The following MYRIP variants were observed in gnomAD, a reference collection of about 807,000 sequenced individuals.
The protein encoded by MYRIP is rab effector MyRIP.
MYRIP carries 49 observed loss-of-function variants against 98.0 expected under a neutral mutation model. The observed-to-expected ratio is 0.50, with a 90% CI of 0.40 to 0.63. MYRIP has a LOEUF of 0.63. Among genes scored for constraint, MYRIP ranks in the 30% least tolerant of loss-of-function variants. The pLI is 0.00. For synonymous variants in MYRIP, 404 were observed against 409.5 expected, an observed-to-expected ratio of 0.99 and a Z score of 0.16; for missense variants, 1,004 against 1,058.2, an observed-to-expected ratio of 0.95 and a Z score of 0.71.
intron 2 of MYRIP, among the ~76,000 whole-genome samples, chr3:39,955,414 A>T (rs1026466656): frequency 6.6e-6 from 1 of 152,186 alleles, no homozygotes; most frequent in Non-Finnish European, 1.5e-5. Context: ...AGAATTTCAT[A>T]TCCAGCCAAA....
chr3:39,901,771 A>G (rs1943748541), intron 2 of MYRIP, among the ~76,000 whole-genome samples: 1 of 152,158 alleles, frequency 6.6e-6, no homozygotes, highest in African/African-American at 2.4e-5. Context: ...TAAATCAATT[A>G]ATTATTAATA....
At chr3:39,866,537 C>G (rs939038609) in intron 1 of MYRIP, among the ~76,000 whole-genome samples, 1 of 151,960 alleles carries the variant, frequency 6.6e-6, no homozygotes, top group Non-Finnish European at 1.5e-5. Flanking sequence ...ATGGTGTGAT[C>G]TCAGCTCACC....
intron 2 of MYRIP, among the ~76,000 whole-genome samples, chr3:39,987,983 A>G (rs1007064138): frequency 9.2e-5 from 14 of 152,232 alleles, no homozygotes; most frequent in African/African-American, 3.1e-4. Flanking sequence ...TGTGGCCATA[A>G]AAGATGATGA....
At chr3:40,245,650 CA>C (rs1230060850) in intron 13 of MYRIP, among the ~76,000 whole-genome samples, 26,687 of 62,792 alleles carry the variant, frequency 0.43, 2,696 homozygotes, top group East Asian at 0.56. Context: ...ACTCCATCTC[CA>C]AAAAAAAAAA....
At chr3:40,054,876 A>G (rs751791387) in intron 3 of MYRIP, among the ~76,000 whole-genome samples, 3 of 152,236 alleles carry the variant, frequency 2.0e-5, no homozygotes, top group Non-Finnish European at 4.4e-5. Flanking sequence ...GATTTTAGCA[A>G]CTGAAAAAAC....
intron 8 of MYRIP, chr3:40,173,673 G>T (rs981253637): frequency 1.3e-5 from 2 of 152,270 alleles, no homozygotes; most frequent in Non-Finnish European, 1.5e-5. Context: ...TGGCTCATCA[G>T]CTCACTGGAA....
chr3:39,997,391 G>A (rs936226044), intron 2 of MYRIP, among the ~76,000 whole-genome samples: 1 of 152,004 alleles, frequency 6.6e-6, no homozygotes, highest in African/African-American at 2.4e-5. Flanking sequence ...TACCATCAGA[G>A]AATACTATAA....
chr3:40,039,794 T>C (rs1575487448), intron 2 of MYRIP, among the ~76,000 whole-genome samples: 3 of 151,710 alleles, frequency 2.0e-5, no homozygotes, highest in Admixed American at 6.6e-5. Flanking sequence ...CACAAATAGG[T>C]GGCTTAAAAC....
chr3:40,162,709 C>T (rs878870937), intron 4 of MYRIP, 21 bp from the exon 5 acceptor site: 14 of 1,608,036 alleles, frequency 8.7e-6, no homozygotes, highest in East Asian at 2.2e-5. Flanking sequence ...TCATTCTCTT[C>T]TCCCACCCCT....
chr3:40,002,438 G>A (rs773523405), intron 2 of MYRIP, among the ~76,000 whole-genome samples: 18 of 152,030 alleles, frequency 1.2e-4, no homozygotes, highest in Non-Finnish European at 2.6e-4. Flanking sequence ...GGGAGGCTGA[G>A]GCAGGAGAAT....
chr3:40,033,959 C>T (rs1165667495), intron 2 of MYRIP, among the ~76,000 whole-genome samples: 2 of 152,036 alleles, frequency 1.3e-5, no homozygotes, highest in African/African-American at 4.8e-5. Context: ...CTGAGAAAAA[C>T]AAGCAATGGG....
intron 2 of MYRIP, among the ~76,000 whole-genome samples, chr3:40,001,154 A>C (rs756166745): frequency 6.6e-6 from 1 of 152,264 alleles, no homozygotes; most frequent in African/African-American, 2.4e-5. Context: ...AAATGCTTAG[A>C]ATTAGTCAAA....
At chr3:39,960,024 G>T (rs1047879018) in intron 2 of MYRIP, among the ~76,000 whole-genome samples, 1 of 152,054 alleles carries the variant, frequency 6.6e-6, no homozygotes, top group African/African-American at 2.4e-5. Context: ...AGCTTCCTGA[G>T]CTCTCAGGCA....
At chr3:39,880,440 A>G (rs1403728435) in intron 1 of MYRIP, among the ~76,000 whole-genome samples, 1 of 152,254 alleles carries the variant, frequency 6.6e-6, no homozygotes, top group Non-Finnish European at 1.5e-5. Flanking sequence ...TAATTTTCTA[A>G]GGAGTAGGCA....
chr3:40,189,917 G>A lies in MYRIP; in HGVS notation c.1119G>A (p.Lys373=). ...CCACCCGACTACTGGCCAAACCTAA[G>A]AGCGGGACGTTTCAGGCCCTGGAGG... ...PPPTRLLAKP[K]SGTFQALEVA... is the part of the protein sequence containing the mutation. The change falls in exon 10 of 17, where the codon AAG becomes AAA. Residue 373 remains lysine (K), a synonymous_variant. Coordinates refer to ENST00000302541, the MANE Select transcript of MYRIP (RefSeq NM_015460.4). The A allele has an allele frequency of 1.2e-6, 2 of 1,614,176 alleles. No homozygotes were observed. Among genetic ancestry groups the A allele is most frequent in the Non-Finnish European group, 1.7e-6 (2 of 1,180,034 alleles).
chr3:40,209,878 G>A lies in MYRIP; in HGVS notation c.1690G>A (p.Asp564Asn). Reference sequence around the variant, plus strand: ...GGTGTCGGATGATTTATCAGAGACAGACATCAGCAATGAGGCTCGGGATCC... The same window carrying A: ...GGTGTCGGATGATTTATCAGAGACAAACATCAGCAATGAGGCTCGGGATCC... ...HQVSDDLSET[D>N]ISNEARDPQT... Residue 564 changes from aspartate (D) to asparagine (N), a missense_variant, in exon 11 of 17, where the codon GAC becomes AAC. Physicochemically the swap from Asp to Asn is conservative, Grantham distance 23. Coordinates refer to ENST00000302541, the MANE Select transcript of MYRIP (RefSeq NM_015460.4). 1 of 1,613,996 alleles carries A rather than the reference G, an allele frequency of 6.2e-7. No homozygotes were observed. Among genetic ancestry groups the A allele is most frequent in the Non-Finnish European group, 8.5e-7 (1 of 1,179,924 alleles).
At position 40,179,356 on chromosome 3, in the gene MYRIP, G is replaced by A. The variant is rs560650337; in HGVS notation, c.874-2864G>A. ...TTGCCTGAAATAGACTATTTTTATA[G>A]CCTGGCATTCCCTACTCTCTGCTGT... is the stretch of plus-strand genomic sequence containing the variant. On this transcript the variant is annotated intron_variant, in intron 8 of 16. Transcript: ENST00000302541. Among the ~76,000 whole-genome samples, 5 of 152,222 alleles carry A rather than the reference G, an allele frequency of 3.3e-5. No homozygotes were observed. In the South Asian group the frequency reaches 1.0e-3, roughly 32 times the overall value.
intron 4 of MYRIP, among the ~76,000 whole-genome samples, chr3:40,160,302 G>C (rs1950355467): frequency 6.6e-6 from 1 of 152,244 alleles, no homozygotes; most frequent in Non-Finnish European, 1.5e-5. Flanking sequence ...CAGTTAGGCT[G>C]CTCGGGGATC....
intron 10 of MYRIP, among the ~76,000 whole-genome samples, chr3:40,204,236 T>TA (rs71091795): frequency 0.53 from 32,597 of 61,314 alleles, 10,855 homozygotes; most frequent in East Asian, 0.74. Context: ...TATATATATA[T>TA]TTTTTTTTTT....
Sources: gnomAD v4.1 joint callset for allele counts (sites outside exome capture counted in the v4.1 genomes callset) on GRCh38, gnomAD v4.1.1 for gene constraint, MANE v1.5 for transcripts, NCBI Gene and HGNC (gene_info 2026-07-23, HGNC 2026-07-21) for gene names.